The following ARHGEF38 variants were observed in gnomAD, a reference collection of about 807,000 sequenced individuals.
ARHGEF38 encodes Rho guanine nucleotide exchange factor (GEF) 38.
Under a neutral mutation model 79.9 loss-of-function variants are expected in ARHGEF38, and 79 were observed. The observed-to-expected ratio is 0.99, with a 90% confidence interval of 0.82 to 1.19. The LOEUF (loss-of-function observed/expected upper bound fraction) is 1.19. ARHGEF38 is among the 50% of genes most tolerant of loss of function. ARHGEF38 has a pLI of 0.00. For synonymous variants in ARHGEF38, 366 were observed against 328.3 expected (o/e 1.11, Z -1.24); for missense variants, 962 against 907.2 (o/e 1.06, Z -0.78).
At chr4:105,624,108 AT>A (rs1728849147) in intron 3 of ARHGEF38, among the ~76,000 whole-genome samples, 1 of 152,036 alleles carries the variant, frequency 6.6e-6, no homozygotes, top group Non-Finnish European at 1.5e-5. Flanking sequence ...TTCATCTCTC[AT>A]TCCCTCCTAA....
intron 2 of ARHGEF38, among the ~76,000 whole-genome samples, chr4:105,599,107 C>A (rs1051369619): frequency 6.6e-6 from 1 of 152,234 alleles, no homozygotes; most frequent in Middle Eastern, 3.4e-3. Context: ...AGTGATACAT[C>A]AATATTCTAG....
Position 105,679,394 on chromosome 4 carries a change from A to C in ARHGEF38, c.*1457A>C, listed in dbSNP as rs1731230654. ...ACACTCTGGTAATCTGAGACACTGC[A>C]TTACTATTCAGCTTTCTAAGTTCTT... On this transcript the variant is annotated 3_prime_UTR_variant, in exon 14 of 14. Transcript: ENST00000420470. 2 of 1,415,524 alleles carry C rather than the reference A, an allele frequency of 1.4e-6. No homozygotes were observed. The highest frequency in any genetic ancestry group is 1.4e-5 in the African/African-American group (1 of 70,756). 87.7% of individuals were successfully genotyped at this position (1,415,524 alleles called of 1,614,324 possible).
chr4:105,661,400 C>T lies in ARHGEF38; in HGVS notation c.1545+2035C>T, dbSNP rs553996256. 4.0e-5 allele frequency among the ~76,000 whole-genome samples: 6 copies of T among 151,814 alleles called. No homozygotes were observed. The South Asian group carries it at 1.2e-3, about 32-fold the overall frequency. ...TTTAACCTTTTGAAAAACAACCAGA[C>T]TGTTTTCCAAAGTGGCTGCACTATT... On this transcript the variant is annotated intron_variant, in intron 10 of 13. Coordinates refer to ENST00000420470, the MANE Select transcript of ARHGEF38 (RefSeq NM_001242729.2).
chr4:105,566,857 G>A (rs948667356), intron 1 of ARHGEF38, among the ~76,000 whole-genome samples: 6 of 151,482 alleles, frequency 4.0e-5, no homozygotes, highest in South Asian at 4.2e-4. Context: ...AGGTTCAAGC[G>A]ATTCTCCTGC....
chr4:105,679,478 C>T lies in ARHGEF38; in HGVS notation c.*1541C>T. 1 of 1,581,442 alleles carries T rather than the reference C, an allele frequency of 6.3e-7. No homozygotes were observed. Among genetic ancestry groups the T allele is most frequent in the Non-Finnish European group, 8.7e-7 (1 of 1,153,288 alleles). ...GGCTTTCCAGAGTCATGGTCACAAA[C>T]CCCTTATCAGAGTTGATTAAAGATC... is the stretch of plus-strand genomic sequence containing the variant. On this transcript the variant is annotated 3_prime_UTR_variant, in exon 14 of 14. Transcript: ENST00000420470.
chr4:105,652,477 A>C (rs1343852127), intron 7 of ARHGEF38, among the ~76,000 whole-genome samples: 5 of 152,190 alleles, frequency 3.3e-5, no homozygotes, highest in Admixed American at 3.3e-4. Flanking sequence ...AAAAGGGAGG[A>C]TTTATAGAAT....
chr4:105,639,625 G>A (rs573839680), intron 5 of ARHGEF38, among the ~76,000 whole-genome samples: 1 of 151,884 alleles, frequency 6.6e-6, no homozygotes, highest in African/African-American at 2.4e-5. Flanking sequence ...ATCTGATATT[G>A]AATAATTCAC....
intron 11 of ARHGEF38, 133 bp downstream of exon 11, chr4:105,666,453 G>A (rs1291129382): frequency 3.7e-6 from 4 of 1,081,914 alleles, no homozygotes; most frequent in African/African-American, 3.2e-5. Context: ...AGAATTTCTT[G>A]TACATTTCTA....
chr4:105,604,517 C>A (rs901950342), intron 2 of ARHGEF38, among the ~76,000 whole-genome samples: 1 of 151,904 alleles, frequency 6.6e-6, no homozygotes, highest in African/African-American at 2.4e-5. Flanking sequence ...CCTCATTTTT[C>A]AAATTATTTT....
At position 105,667,132 on chromosome 4, in the gene ARHGEF38, G is replaced by A; in HGVS notation, c.1693G>A (p.Glu565Lys). The A allele has an allele frequency of 6.5e-7, 1 of 1,529,972 alleles. No individual in the cohort carries two copies. Among genetic ancestry groups the A allele is most frequent in the Non-Finnish European group, 8.8e-7 (1 of 1,142,474 alleles). 94.8% of individuals were successfully genotyped at this position (1,529,972 alleles called of 1,614,324 possible). A position where few individuals can be genotyped will look rare whatever the true frequency, so the allele number is the denominator to read the frequency against. The change falls in exon 12 of 14, where the codon GAA (glutamate) becomes AAA (lysine). Residue 565 changes from glutamate to lysine, a missense_variant. Coordinates refer to ENST00000420470, the MANE Select transcript of ARHGEF38 (RefSeq NM_001242729.2). ...AACTTCTCCTTATTTCTCCCAGCCA[G>A]AAATGCCACATCAAACTGACATTCA... ...EKKKPVQILP[E>K]MPHQTDIHRS...
chr4:105,636,785 T>A (rs1729414715), intron 5 of ARHGEF38, among the ~76,000 whole-genome samples: 1 of 152,092 alleles, frequency 6.6e-6, no homozygotes, highest in African/African-American at 2.4e-5. Flanking sequence ...CATAATGCAT[T>A]TGAAGTTTCT....
In ARHGEF38 at chr4:105,667,176, C is replaced by T. The variant is rs1730781394; in HGVS notation, c.1737C>T (p.Ser579=). 1 of 1,535,834 alleles carries T rather than the reference C, an allele frequency of 6.5e-7. No individual in the cohort carries two copies. The highest frequency in any genetic ancestry group is 1.4e-5 in the African/African-American group (1 of 73,026). The change falls in exon 12 of 14, where the codon TCC becomes TCT. Residue 579 remains serine (S), a synonymous_variant. Transcript: ENST00000420470. ...ACATTCATCGCTCCAAACTTCTATC[C>T]ACATATAGTGCAGAGGAACTCTATC... ...QTDIHRSKLL[S]TYSAEELYQA...
At chr4:105,665,980 A>G (rs922423527) in intron 10 of ARHGEF38, among the ~76,000 whole-genome samples, 197 bp from the exon 11 acceptor site, 6 of 152,192 alleles carry the variant, frequency 3.9e-5, no homozygotes. Flanking sequence ...ACTTAAAAAA[A>G]AATTCCTATC....
At position 105,680,035 on chromosome 4, in the gene ARHGEF38, C is replaced by T; in HGVS notation, c.*2098C>T. On this transcript the variant is annotated 3_prime_UTR_variant, in exon 14 of 14. Coordinates refer to ENST00000420470, the MANE Select transcript of ARHGEF38 (RefSeq NM_001242729.2). Reference sequence around the variant, plus strand: ...TCATGGCCATGTCAGTTACATTCTTCTTCGTCTCACAGAAAATAATAGCCC... The same window carrying T: ...TCATGGCCATGTCAGTTACATTCTTTTTCGTCTCACAGAAAATAATAGCCC... 1 of 894,258 alleles carries T rather than the reference C, an allele frequency of 1.1e-6. No homozygotes were observed. The highest frequency in any genetic ancestry group is 1.9e-6 in the Non-Finnish European group (1 of 529,118). 55.4% of individuals were successfully genotyped at this position (894,258 alleles called of 1,614,324 possible). A position where few individuals can be genotyped will look rare whatever the true frequency, so the allele number is the denominator to read the frequency against.
intron 5 of ARHGEF38, among the ~76,000 whole-genome samples, chr4:105,641,131 A>G (rs1729599807): frequency 6.7e-6 from 1 of 148,784 alleles, no homozygotes; most frequent in Admixed American, 6.7e-5. Flanking sequence ...TAATTTTCTC[A>G]TTTTTTTTTC....
At chr4:105,676,504 AAATG>A (rs1318578711) in intron 13 of ARHGEF38, among the ~76,000 whole-genome samples, 1 of 152,234 alleles carries the variant, frequency 6.6e-6, no homozygotes, top group Non-Finnish European at 1.5e-5. Context: ...TTCATTAAAT[AAATG>A]AATGGGAATA....
chr4:105,677,941 A>G lies in ARHGEF38; in HGVS notation c.*4A>G. The stretch of plus-strand genomic sequence containing the variant: ...TGGAAAGATGACTTATGCTTAAGAA[A>G]ATAAGCCTTCAACTTTTATTTTCCA... On this transcript the variant is annotated 3_prime_UTR_variant, in exon 14 of 14. Coordinates refer to ENST00000420470, the MANE Select transcript of ARHGEF38 (RefSeq NM_001242729.2). The G allele has an allele frequency of 6.7e-7, 1 of 1,492,354 alleles. No individual in the cohort carries two copies. Among genetic ancestry groups the G allele is most frequent in the Non-Finnish European group, 8.9e-7 (1 of 1,119,040 alleles). The allele number at this position is 1,492,354 out of a possible 1,614,324, so 92.4% of individuals were successfully genotyped here.
intron 13 of ARHGEF38, among the ~76,000 whole-genome samples, chr4:105,669,408 T>G (rs1730883395): frequency 6.6e-6 from 1 of 152,178 alleles, no homozygotes; most frequent in African/African-American, 2.4e-5. Flanking sequence ...TTTTTGTGCA[T>G]TTGTATGAGT....
At chr4:105,554,597 C>T (rs1010039682) in intron 1 of ARHGEF38, among the ~76,000 whole-genome samples, 1 of 152,094 alleles carries the variant, frequency 6.6e-6, no homozygotes, top group Non-Finnish European at 1.5e-5. Flanking sequence ...AATTTAAAAT[C>T]ATACACATTT....
Sources: gnomAD v4.1 joint callset for allele counts (sites outside exome capture counted in the v4.1 genomes callset) on GRCh38, gnomAD v4.1.1 for gene constraint, MANE v1.5 for transcripts, NCBI Gene and HGNC (gene_info 2026-07-23, HGNC 2026-07-21) for gene names.